The following SCFD2 variants were observed in gnomAD, a reference collection of about 807,000 sequenced individuals.
SCFD2 encodes the protein sec1 family domain containing 2.
In SCFD2, 54 loss-of-function variants were observed where a neutral mutation model predicts 58.9. The ratio of observed to expected loss-of-function variants is 0.92; its 90% CI spans 0.74 to 1.15. SCFD2 has a LOEUF of 1.15. SCFD2 is among the 50% of genes most tolerant of loss of function. The probability of loss-of-function intolerance (pLI) is 0.00; values close to 1 mark genes in which losing one functional copy is unlikely to be tolerated. For synonymous variants in SCFD2, 321 were observed against 335.9 expected, an observed-to-expected ratio of 0.96 and a Z score of 0.49; for missense variants, 805 against 836.6, an observed-to-expected ratio of 0.96 and a Z score of 0.47.
intron 6 of SCFD2, among the ~76,000 whole-genome samples, chr4:52,908,288 T>C (rs1394226093): frequency 6.6e-6 from 1 of 152,208 alleles, no homozygotes; most frequent in Non-Finnish European, 1.5e-5. Context: ...GTTTAGGTTA[T>C]ATGGGGAGCC....
In SCFD2 at chr4:53,365,925, A is replaced by G; in HGVS notation, c.17T>C (p.Val6Ala). Reference sequence around the variant, plus strand: ...CCATCCTTGCTGGGTAAAGGACAGTACGCCCGAGGCGCTCATGGTTGGGGA... The same window carrying G: ...CCATCCTTGCTGGGTAAAGGACAGTGCGCCCGAGGCGCTCATGGTTGGGGA... Reference protein sequence around the residue: MSASGVLSFTQQGWEQ... With the variant: MSASGALSFTQQGWEQ... Residue 6 changes from valine (V) to alanine (A), a missense_variant, in exon 1 of 9, where the codon GTA (valine) becomes GCA (alanine). This residue lies in a region of SCFD2 where 155 missense variants were observed against 149.7 expected (regional missense o/e 1.04). Transcript: ENST00000401642. The surrounding 1 kb of genome is among the most constrained non-coding windows in gnomAD (Gnocchi z 4.3). 6.5e-7 allele frequency: 1 copy of G among 1,544,036 alleles called. No homozygotes were observed. The highest frequency in any genetic ancestry group is 2.0e-5 in the Admixed American group (1 of 51,098).
At chr4:53,026,115 C>A (rs554216842) in intron 5 of SCFD2, among the ~76,000 whole-genome samples, 1 of 152,022 alleles carries the variant, frequency 6.6e-6, no homozygotes, top group South Asian at 2.1e-4. Flanking sequence ...ACAGAAAAAA[C>A]TAAAATTCTT....
At chr4:52,943,168 T>C (rs1385064588) in intron 5 of SCFD2, among the ~76,000 whole-genome samples, 2 of 152,146 alleles carry the variant, frequency 1.3e-5, no homozygotes, top group Non-Finnish European at 2.9e-5. Flanking sequence ...CCTTACGGAA[T>C]GTGCTGAATT....
chr4:52,960,590 A>C (rs1233633444), intron 5 of SCFD2, among the ~76,000 whole-genome samples: 1 of 151,816 alleles, frequency 6.6e-6, no homozygotes, highest in African/African-American at 2.4e-5. Flanking sequence ...GCTGGTCTCA[A>C]ACTCCCGACC....
At chr4:52,896,638 A>T (rs1577806790) in intron 7 of SCFD2, among the ~76,000 whole-genome samples, 2 of 152,276 alleles carry the variant, frequency 1.3e-5, no homozygotes, top group African/African-American at 4.8e-5. Flanking sequence ...TGACTTGGCG[A>T]TGTGGGCTCT....
intron 4 of SCFD2, among the ~76,000 whole-genome samples, chr4:53,152,761 G>A (rs1726548648): frequency 6.6e-6 from 1 of 152,106 alleles, no homozygotes; most frequent in African/African-American, 2.4e-5. Flanking sequence ...ATCAAATAAA[G>A]CTATTTACTT....
At chr4:53,013,082 CTG>C (rs1441545895) in intron 5 of SCFD2, among the ~76,000 whole-genome samples, 1 of 152,168 alleles carries the variant, frequency 6.6e-6, no homozygotes, top group Non-Finnish European at 1.5e-5. Flanking sequence ...CATTTGCACT[CTG>C]TGTTTGAAAA....
At position 52,887,951 on chromosome 4, in the gene SCFD2, C is replaced by T. The variant is rs574967849; in HGVS notation, c.1843-2085G>A. On this transcript the variant is annotated intron_variant, in intron 7 of 8. Coordinates refer to ENST00000401642, the MANE Select transcript of SCFD2 (RefSeq NM_152540.4). ...CGGAGTCTCGCTCTGTCGCCCAGGCCGGACTGCGGACTGCAGTGGTGCGAT... is the reference window on the plus strand; with the variant it reads ...CGGAGTCTCGCTCTGTCGCCCAGGCTGGACTGCGGACTGCAGTGGTGCGAT... 2.4e-3 allele frequency among the ~76,000 whole-genome samples: 344 copies of T among 141,562 alleles called. 3 individuals carry two copies. The highest frequency in any genetic ancestry group is 7.5e-3 in the Middle Eastern group (2 of 268). The allele number at this position is 141,562 out of a possible 152,430, so 92.9% of individuals were successfully genotyped here. A position where few individuals can be genotyped will look rare whatever the true frequency, so the allele number is the denominator to read the frequency against.
intron 4 of SCFD2, among the ~76,000 whole-genome samples, chr4:53,217,176 G>A (rs1728873053): frequency 6.6e-6 from 1 of 152,146 alleles, no homozygotes; most frequent in African/African-American, 2.4e-5. Context: ...TTGGTGCAGA[G>A]CTGAGTTCAA....
At chr4:53,112,897 C>T (rs1725212631) in intron 5 of SCFD2, among the ~76,000 whole-genome samples, 1 of 151,966 alleles carries the variant, frequency 6.6e-6, no homozygotes, top group Non-Finnish European at 1.5e-5. Context: ...CATTCCCTAC[C>T]CCTATTCCCA....
At position 53,182,115 on chromosome 4, in the gene SCFD2, C is replaced by T. The variant is rs1283439284; in HGVS notation, c.1312-36533G>A. On this transcript the variant is annotated intron_variant, in intron 4 of 8. Transcript: ENST00000401642. ...TAGATTCAATGCCATCCCCATCAAGCTACCAATGACTTTCTTCACAGAATT... is the reference window on the plus strand; with the variant it reads ...TAGATTCAATGCCATCCCCATCAAGTTACCAATGACTTTCTTCACAGAATT... 2.0e-5 allele frequency among the ~76,000 whole-genome samples: 3 copies of T among 152,138 alleles called. No individual in the cohort carries two copies. In the South Asian group the frequency reaches 6.2e-4, roughly 31 times the overall value.
chr4:52,913,333 C>G (rs953400055), intron 6 of SCFD2, among the ~76,000 whole-genome samples: 1 of 152,158 alleles, frequency 6.6e-6, no homozygotes. Context: ...ACTTGCATTA[C>G]CGCCTGAGTT....
chr4:53,278,223 C>G (rs560593594), intron 3 of SCFD2, among the ~76,000 whole-genome samples: 10 of 150,832 alleles, frequency 6.6e-5, no homozygotes, highest in Non-Finnish European at 1.5e-4. Flanking sequence ...AAATATTAGC[C>G]GGGAGTGGTG....
At chr4:52,904,873 G>T (rs577334941) in intron 7 of SCFD2, among the ~76,000 whole-genome samples, 1 of 152,352 alleles carries the variant, frequency 6.6e-6, no homozygotes, top group East Asian at 1.9e-4. Context: ...GAACAGAGGA[G>T]AGTAAGACCC....
intron 3 of SCFD2, among the ~76,000 whole-genome samples, chr4:53,275,116 C>T (rs190591811): frequency 1.1e-4 from 16 of 152,260 alleles, no homozygotes; most frequent in East Asian, 7.7e-4. Flanking sequence ...AGGTAGAAAA[C>T]GAGGCTTGTG....
At chr4:53,071,741 AT>A (rs1321338571) in intron 5 of SCFD2, among the ~76,000 whole-genome samples, 3 of 152,148 alleles carry the variant, frequency 2.0e-5, no homozygotes, top group East Asian at 1.9e-4. Flanking sequence ...TGTAAAAAAA[AT>A]AAAATAAAAA....
At chr4:53,346,067 TGTGCACG>T (rs1475415873) in intron 2 of SCFD2, among the ~76,000 whole-genome samples, 2 of 152,146 alleles carry the variant, frequency 1.3e-5, no homozygotes, top group African/African-American at 4.8e-5. Context: ...ACCTGCACGT[TGTGCACG>T]TGTACCCTAG....
intron 3 of SCFD2, among the ~76,000 whole-genome samples, chr4:53,300,847 C>T (rs898924958): frequency 6.6e-6 from 1 of 152,226 alleles, no homozygotes; most frequent in Admixed American, 6.5e-5. Flanking sequence ...TCCTGAATGA[C>T]TACTGGGTAA....
At chr4:53,176,373 C>T (rs1447565929) in intron 4 of SCFD2, among the ~76,000 whole-genome samples, 1 of 151,742 alleles carries the variant, frequency 6.6e-6, no homozygotes, top group Non-Finnish European at 1.5e-5. Context: ...TAACTGAAAC[C>T]CTCCTTAAGC....
Sources: allele counts gnomAD v4.1 joint callset (sites outside exome capture counted in the v4.1 genomes callset), GRCh38; gene constraint gnomAD v4.1.1; regional missense constraint gnomAD v4.1.1; non-coding constraint Gnocchi (gnomAD v3.1); transcripts MANE v1.5; gene names NCBI Gene and HGNC (gene_info 2026-07-23, HGNC 2026-07-21).